The following ETV1 variants were observed in gnomAD, a reference collection of about 807,000 sequenced individuals.
ETV1 encodes the protein ETS variant transcription factor 1, also known as ETS translocation variant 1.
In ETV1, 27 loss-of-function variants were observed where a neutral mutation model predicts 62.3. That is an observed-to-expected ratio of 0.43 (90% confidence interval 0.32 to 0.60). The LOEUF (loss-of-function observed/expected upper bound fraction) is 0.60. Ranked by LOEUF, ETV1 falls within the 20% of genes least tolerant of loss-of-function variation. The pLI, the probability that ETV1 is intolerant of heterozygous loss-of-function variation, is 0.06. For synonymous variants in ETV1, 222 were observed against 199.6 expected (o/e 1.11, Z -0.94); for missense variants, 605 against 605.8 (o/e 1.00, Z 0.01).
chr7:13,924,377 G>T (rs999431146), intron 9 of ETV1, among the ~76,000 whole-genome samples: 1 of 152,138 alleles, frequency 6.6e-6, no homozygotes, highest in Admixed American at 6.5e-5. Flanking sequence ...TATTATAAAA[G>T]ATCACTTCTT....
chr7:13,986,206 T>A, intron 5 of ETV1: 1 of 1,573,228 alleles, frequency 6.4e-7, no homozygotes, highest in South Asian at 1.2e-5. Context: ...AGAAACTAAT[T>A]TCTGCCATCA....
intron 9 of ETV1, among the ~76,000 whole-genome samples, chr7:13,931,086 G>A (rs1786084922): frequency 6.6e-6 from 1 of 151,922 alleles, no homozygotes; most frequent in Non-Finnish European, 1.5e-5. Context: ...CGGGACCCCA[G>A]TAATTTTTTC....
intron 3 of ETV1, chr7:13,988,771 G>A (rs771778374): frequency 6.2e-6 from 10 of 1,610,286 alleles, no homozygotes; most frequent in Non-Finnish European, 8.5e-6. Flanking sequence ...ACTCATGTTG[G>A]GCACTTTAAT....
chr7:13,893,340 G>A lies in ETV1; in HGVS notation c.*2526C>T. On this transcript the variant is annotated 3_prime_UTR_variant, in exon 14 of 14. Coordinates refer to ENST00000430479, the MANE Select transcript of ETV1 (RefSeq NM_004956.5). ...AACATAAAAACTCAACCAAAAAGTG[G>A]AATCAAAACAGAACTTAAAAAATTT... 1 of 231,370 alleles carries A rather than the reference G, an allele frequency of 4.3e-6. No individual in the cohort carries two copies. 14.3% of individuals were successfully genotyped at this position (231,370 alleles called of 1,614,324 possible). A position where few individuals can be genotyped will look rare whatever the true frequency, so the allele number is the denominator to read the frequency against.
intron 6 of ETV1, among the ~76,000 whole-genome samples, chr7:13,962,499 A>C (rs973605315): frequency 6.6e-6 from 1 of 152,148 alleles, no homozygotes; most frequent in Non-Finnish European, 1.5e-5. Flanking sequence ...AAGTAGTATC[A>C]GACAAGACGC....
At chr7:13,933,281 T>C (rs17167670) in intron 8 of ETV1, among the ~76,000 whole-genome samples, 4,061 of 152,272 alleles carry the variant, frequency 0.027, 149 homozygotes, top group African/African-American at 0.088. Context: ...GGAACATGTA[T>C]ATATCAAACA....
At chr7:13,900,588 G>T in intron 13 of ETV1, 150 bp downstream of exon 13, 1 of 581,194 alleles carries the variant, frequency 1.7e-6, no homozygotes, top group African/African-American at 1.9e-5. Flanking sequence ...TACATAGAAA[G>T]GCTTGTAATA....
chr7:13,983,969 C>G (rs1484968776), intron 5 of ETV1, among the ~76,000 whole-genome samples: 1 of 151,696 alleles, frequency 6.6e-6, no homozygotes, highest in African/African-American at 2.4e-5. Flanking sequence ...TTACCCATGA[C>G]TAATCCATAT....
intron 9 of ETV1, among the ~76,000 whole-genome samples, chr7:13,920,512 T>C (rs898904670): frequency 9.9e-5 from 15 of 152,076 alleles, no homozygotes; most frequent in African/African-American, 3.6e-4. Flanking sequence ...CCAGGCTCTA[T>C]AGCGTCCATT....
At chr7:13,967,845 C>A (rs1780463737) in intron 6 of ETV1, among the ~76,000 whole-genome samples, 1 of 151,720 alleles carries the variant, frequency 6.6e-6, no homozygotes, top group Non-Finnish European at 1.5e-5. Context: ...AGGTGGTAGC[C>A]CCCAAATATA....
Position 13,989,303 on chromosome 7 carries a change from A to T in ETV1, c.-123T>A, listed in dbSNP as rs564252473. 1 of 489,180 alleles carries T rather than the reference A, an allele frequency of 2.0e-6. No homozygotes were observed. Among genetic ancestry groups the T allele is most frequent in the African/African-American group, 2.0e-5 (1 of 50,118 alleles). The allele number at this position is 489,180 out of a possible 1,614,324, so 30.3% of individuals were successfully genotyped here. ...AGAGAGCCAACAGAGTTCACAATTT[A>T]CATATTTTCGGTAGTAGCAAAAATC... On this transcript the variant is annotated 5_prime_UTR_variant, in exon 2 of 14. The change abolishes the stop of an existing upstream ORF in the 5' untranslated region. Coordinates refer to ENST00000430479, the MANE Select transcript of ETV1 (RefSeq NM_004956.5).
intron 9 of ETV1, among the ~76,000 whole-genome samples, chr7:13,925,763 T>C (rs1215268525): frequency 6.6e-6 from 1 of 151,722 alleles, no homozygotes; most frequent in Non-Finnish European, 1.5e-5. Context: ...AGAGACGGGG[T>C]TTCACCGTGG....
rs1011822788 is a variant in ETV1 at position 13,894,192 on chromosome 7, A to C, written c.*1674T>G. The C allele has an allele frequency of 6.0e-5, 14 of 231,432 alleles. No homozygotes were observed. The highest frequency in any genetic ancestry group is 7.7e-5 in the Non-Finnish European group (9 of 117,590). 14.3% of individuals were successfully genotyped at this position (231,432 alleles called of 1,614,324 possible). ...TTTGCTTTTTGCTATAGACTCTTTA[A>C]AAAAGTTGTTCTTCTGGATATTATT... is the stretch of plus-strand genomic sequence containing the variant. On this transcript the variant is annotated 3_prime_UTR_variant, in exon 14 of 14. Transcript: ENST00000430479.
At chr7:13,900,003 C>A (rs1230292967) in intron 13 of ETV1, among the ~76,000 whole-genome samples, 1 of 152,140 alleles carries the variant, frequency 6.6e-6, no homozygotes, top group Non-Finnish European at 1.5e-5. Context: ...GTGGTGCGCA[C>A]CTGTAGTCCC....
At position 13,895,712 on chromosome 7, in the gene ETV1, C is replaced by A; in HGVS notation, c.*154G>T. On this transcript the variant is annotated 3_prime_UTR_variant, in exon 14 of 14. Transcript: ENST00000430479. ...AATAAAGTGCACAGTCCATGGCAGA[C>A]CATAGAATAATGCAACAGGAAAAGC... 1.6e-6 allele frequency: 1 copy of A among 639,108 alleles called. No individual in the cohort carries two copies. The highest frequency in any genetic ancestry group is 2.7e-6 in the Non-Finnish European group (1 of 365,018). 39.6% of individuals were successfully genotyped at this position (639,108 alleles called of 1,614,324 possible).
At chr7:13,981,178 A>C (rs936344433) in intron 5 of ETV1, among the ~76,000 whole-genome samples, 1 of 152,136 alleles carries the variant, frequency 6.6e-6, no homozygotes, top group African/African-American at 2.4e-5. Context: ...AATTAAAACC[A>C]GTTCTATCCA....
intron 6 of ETV1, among the ~76,000 whole-genome samples, chr7:13,968,256 T>G (rs546871155): frequency 2.8e-3 from 422 of 152,040 alleles, no homozygotes; most frequent in Non-Finnish European, 4.7e-3. Context: ...AGGACAAAAT[T>G]AAAGAAGAAA....
intron 5 of ETV1, chr7:13,986,176 T>C (rs1232648478): frequency 6.3e-7 from 1 of 1,592,384 alleles, no homozygotes; most frequent in Non-Finnish European, 8.6e-7. Context: ...TCTTGAAGCA[T>C]CCCGTCCTGA....
chr7:13,938,894 A>C (rs1210674611), intron 7 of ETV1, among the ~76,000 whole-genome samples: 1 of 152,242 alleles, frequency 6.6e-6, no homozygotes, highest in Non-Finnish European at 1.5e-5. Flanking sequence ...TACAGTAGAA[A>C]AGCAACTAAT....
Sources: allele counts gnomAD v4.1 joint callset (sites outside exome capture counted in the v4.1 genomes callset), GRCh38; gene constraint gnomAD v4.1.1; transcripts MANE v1.5; gene names NCBI Gene and HGNC (gene_info 2026-07-23, HGNC 2026-07-21).